PHF11: variants seen among roughly 807,000 people sequenced by gnomAD.
PHF11 encodes BRCA1 C-terminus-associated protein.
A neutral mutation model predicts 40.5 loss-of-function variants in PHF11; 38 were observed. That is an observed-to-expected ratio of 0.94 (90% CI 0.72 to 1.23). The LOEUF (loss-of-function observed/expected upper bound fraction) is 1.23, where lower values mean the gene tolerates loss of function less well. PHF11 is among the 50% of genes most tolerant of loss of function. PHF11 has a pLI of 0.00. For missense variants in PHF11, 369 were observed against 392.4 expected, an observed-to-expected ratio of 0.94 and a Z score of 0.50; for synonymous variants, 127 against 138.2, an observed-to-expected ratio of 0.92 and a Z score of 0.57.
chr13:49,508,103 A>G (rs1162233498), intron 2 of PHF11, among the ~76,000 whole-genome samples: 1 of 148,256 alleles, frequency 6.7e-6, no homozygotes, highest in Non-Finnish European at 1.5e-5. Flanking sequence ...TAATTAATAT[A>G]AATAATTAGA....
In PHF11 at chr13:49,506,658, A is replaced by G. The variant is rs144042082; in HGVS notation, c.118A>G (p.Met40Val). Residue 40 changes from methionine (M) to valine (V), a missense_variant, in exon 2 of 10, where the codon ATG (methionine) becomes GTG (valine). Physicochemically the swap from Met to Val is conservative, Grantham distance 21. Transcript: ENST00000378319. ...AGGTGTCTTTCAGGTTGCAGAAAAG[A>G]TGGAAAAAAGGACATGTGCACTCTG... ...PTGVFQVAEK[M>V]EKRTCALCPK... The G allele has an allele frequency of 6.9e-5, 111 of 1,613,174 alleles. No individual in the cohort carries two copies. The highest frequency in any genetic ancestry group is 8.1e-5 in the Non-Finnish European group (96 of 1,179,456).
Position 49,523,238 on chromosome 13 carries a change from A to G in PHF11, c.634A>G (p.Thr212Ala). ...AGTGAAAGAAGAGCATGGCAGACAC[A>G]CAGGTTTGCGCTAAGTGTTGTCTGT... ...RQVKEEHGRH[T>A]DATVKVPFLK... The change falls in exon 7 of 10, where the codon ACA becomes GCA. Residue 212 changes from threonine to alanine, a missense_variant. Transcript: ENST00000378319. The G allele has an allele frequency of 1.2e-6, 2 of 1,604,104 alleles. No homozygotes were observed. Among genetic ancestry groups the G allele is most frequent in the Non-Finnish European group, 1.7e-6 (2 of 1,170,818 alleles).
chr13:49,517,080 T>A (rs1230738975), intron 3 of PHF11, among the ~76,000 whole-genome samples: 1 of 152,218 alleles, frequency 6.6e-6, no homozygotes, highest in Non-Finnish European at 1.5e-5. Flanking sequence ...GGATCTAACT[T>A]TATTTTTTTC....
intron 2 of PHF11, among the ~76,000 whole-genome samples, chr13:49,508,406 CT>C (rs568633138): frequency 3.4e-5 from 5 of 146,478 alleles, no homozygotes; most frequent in South Asian, 2.1e-4. Context: ...ATGAATGTGT[CT>C]TTTTTTTCCC....
intron 9 of PHF11, among the ~76,000 whole-genome samples, chr13:49,526,996 C>T (rs937062671): frequency 7.3e-5 from 11 of 151,698 alleles, no homozygotes; most frequent in African/African-American, 2.7e-4. Context: ...CACTATTAAT[C>T]CTCAAATCTA....
chr13:49,528,015 T>C (rs1458860552), intron 9 of PHF11, among the ~76,000 whole-genome samples: 1 of 152,232 alleles, frequency 6.6e-6, no homozygotes, highest in Non-Finnish European at 1.5e-5. Flanking sequence ...AGCCTAAGTA[T>C]CTTCCTCCTA....
rs1594215575 is a variant in PHF11 at position 49,518,004 on chromosome 13, C to T, written c.325-14C>T. On this transcript the variant is annotated splice_polypyrimidine_tract_variant and intron_variant, in intron 3 of 9. Coordinates refer to ENST00000378319, the MANE Select transcript of PHF11 (RefSeq NM_001040443.3). ...CAAACAGGTACTTACTCAGTAAAATCTATTCTTCTGTAGAAATGCAAATTT... is the reference window on the plus strand; with the variant it reads ...CAAACAGGTACTTACTCAGTAAAATTTATTCTTCTGTAGAAATGCAAATTT... 7.1e-7 allele frequency: 1 copy of T among 1,414,258 alleles called. No homozygotes were observed. Among genetic ancestry groups the T allele is most frequent in the African/African-American group, 1.4e-5 (1 of 69,902 alleles). The allele number at this position is 1,414,258 out of a possible 1,614,324, so 87.6% of individuals were successfully genotyped here.
intron 3 of PHF11, among the ~76,000 whole-genome samples, chr13:49,516,241 G>A (rs889768152): frequency 2.0e-5 from 3 of 151,950 alleles, no homozygotes; most frequent in African/African-American, 4.8e-5. Flanking sequence ...TGCTTTATTT[G>A]ATCATTGTAC....
rs377231596 is a variant in PHF11 at position 49,526,443 on chromosome 13, G to A, written c.826G>A (p.Val276Ile). 9 of 1,602,298 alleles carry A rather than the reference G, an allele frequency of 5.6e-6. No homozygotes were observed. The African/African-American group carries it at 1.2e-4, about 21-fold the overall frequency. Residue 276 changes from valine (V) to isoleucine (I), a missense_variant, in exon 9 of 10, where the codon GTA becomes ATA. Val to Ile is a conservative substitution (Grantham distance 29). Transcript: ENST00000378319. Reference protein sequence around the residue: ...FDCRLFEDTFVNFQAAIEKKI... With the variant: ...FDCRLFEDTFINFQAAIEKKI... ...CTGTAGATTGTTCGAAGACACATTT[G>A]TAAATTTTCAAGCAGGTATATGAGT...
intron 4 of PHF11, among the ~76,000 whole-genome samples, chr13:49,520,174 G>A (rs899786751): frequency 3.3e-5 from 5 of 152,158 alleles, no homozygotes; most frequent in African/African-American, 1.2e-4. Flanking sequence ...TCAGCCTCCT[G>A]AGTAGCTGGG....
intron 1 of PHF11, among the ~76,000 whole-genome samples, chr13:49,502,645 T>C (rs534848203): frequency 1.3e-5 from 2 of 152,358 alleles, no homozygotes; most frequent in African/African-American, 4.8e-5. Flanking sequence ...TATGATCCAC[T>C]TCTCTCTGCA....
chr13:49,527,213 A>AG (rs1169406134), intron 9 of PHF11: 1 of 152,170 alleles, frequency 6.6e-6, no homozygotes, highest in African/African-American at 2.4e-5. Context: ...CAGCATTAAG[A>AG]TGCCCTCAAG....
chr13:49,496,109 GGGC>G lies in PHF11; in HGVS notation c.94+17_94+19del. ...TCCTTCCCACCGGTGTGTACCGCGG[GGGC>G]GGGCGGGCGGGCGGGCGGGGCTGGG... On this transcript the variant is annotated intron_variant, in intron 1 of 9. Coordinates refer to ENST00000378319, the MANE Select transcript of PHF11 (RefSeq NM_001040443.3). 47 of 153,242 alleles carry G rather than the reference GGGC, an allele frequency of 3.1e-4. No homozygotes were observed. Among genetic ancestry groups the G allele is most frequent in the East Asian group, 1.1e-3 (1 of 886 alleles). 9.5% of individuals were successfully genotyped at this position (153,242 alleles called of 1,614,324 possible).
In PHF11 at chr13:49,513,098, C is replaced by A; in HGVS notation, c.256C>A (p.Pro86Thr). Residue 86 changes from proline (P) to threonine (T), a missense_variant, in exon 3 of 10, where the codon CCA becomes ACA. By Grantham distance (38) the Pro-to-Thr change is conservative. Coordinates refer to ENST00000378319, the MANE Select transcript of PHF11 (RefSeq NM_001040443.3). ...ACTTGTGGAATGTGAGGATCAGGATCCACTTAATCCTGATAGAAGTTTTGA... is the reference window on the plus strand; with the variant it reads ...ACTTGTGGAATGTGAGGATCAGGATACACTTAATCCTGATAGAAGTTTTGA... ...SGLVECEDQD[P>T]LNPDRSFDVE... 2 of 1,598,622 alleles carry A rather than the reference C, an allele frequency of 1.3e-6. No individual in the cohort carries two copies. Among genetic ancestry groups the A allele is most frequent in the South Asian group, 1.1e-5 (1 of 90,652 alleles).
chr13:49,501,860 T>G (rs1322851997), intron 1 of PHF11, among the ~76,000 whole-genome samples: 2 of 152,066 alleles, frequency 1.3e-5, no homozygotes, highest in Admixed American at 6.5e-5. Context: ...CCGGCTAATT[T>G]TTGTAATTTT....
intron 9 of PHF11, among the ~76,000 whole-genome samples, chr13:49,527,697 T>C (rs1959366662): frequency 6.6e-6 from 1 of 152,196 alleles, no homozygotes; most frequent in Non-Finnish European, 1.5e-5. Flanking sequence ...CTTCCATGTG[T>C]GTTTTTCTTT....
Position 49,496,064 on chromosome 13 carries a change from G to A in PHF11, c.63G>A (p.Arg21=). ...RVLGASSPEA[R]PAQEALLLPT... is the part of the protein sequence containing the mutation. The stretch of plus-strand genomic sequence containing the variant: ...TCGGCGCCAGCAGCCCGGAGGCCCG[G>A]CCCGCGCAGGAGGCGCTCCTCCTTC... Residue 21 remains arginine, a synonymous_variant, in exon 1 of 10, where the codon CGG becomes CGA. Transcript: ENST00000378319. 1 of 1,368,014 alleles carries A rather than the reference G, an allele frequency of 7.3e-7. No individual in the cohort carries two copies. The highest frequency in any genetic ancestry group is 9.4e-7 in the Non-Finnish European group (1 of 1,060,176). The allele number at this position is 1,368,014 out of a possible 1,614,324, so 84.7% of individuals were successfully genotyped here.
chr13:49,499,865 T>C (rs1338330340), intron 1 of PHF11, among the ~76,000 whole-genome samples: 1 of 152,252 alleles, frequency 6.6e-6, no homozygotes, highest in African/African-American at 2.4e-5. Context: ...AATGAAATGA[T>C]AGGATTAGTG....
At chr13:49,503,341 G>A (rs772971111) in intron 1 of PHF11, among the ~76,000 whole-genome samples, 3 of 152,204 alleles carry the variant, frequency 2.0e-5, no homozygotes, top group South Asian at 2.1e-4. Flanking sequence ...CCTCCTTAGC[G>A]TGTATTGGAA....
Sources: allele counts gnomAD v4.1 joint callset (sites outside exome capture counted in the v4.1 genomes callset), GRCh38; gene constraint gnomAD v4.1.1; transcripts MANE v1.5; gene names NCBI Gene and HGNC (gene_info 2026-07-23, HGNC 2026-07-21).